DNAH17: variants seen among roughly 807,000 people sequenced by gnomAD.
DNAH17 encodes dynein axonemal heavy chain 17, also known as axonemal beta dynein heavy chain 17.
DNAH17 carries 376 observed loss-of-function variants against 485.6 expected under a neutral mutation model. That is an observed-to-expected ratio of 0.77 (90% CI 0.71 to 0.84). The LOEUF (loss-of-function observed/expected upper bound fraction) is 0.84, where lower values mean the gene tolerates loss of function less well. Among genes scored for constraint, DNAH17 ranks in the 40% least tolerant of loss-of-function variants. The pLI, the probability that DNAH17 is intolerant of heterozygous loss-of-function variation, is 0.00. For synonymous variants in DNAH17, 3,031 were observed against 2,405.9 expected (o/e 1.26, Z -7.60); for missense variants, 6,370 against 5,839.3 (o/e 1.09, Z -2.96).
chr17:78,457,968 C>T lies in DNAH17; in HGVS notation c.9977+597G>A, dbSNP rs529491926. 2.1e-4 allele frequency among the ~76,000 whole-genome samples: 32 copies of T among 150,924 alleles called. No homozygotes were observed. In the South Asian group the frequency reaches 6.6e-3, roughly 31 times the overall value. On this transcript the variant is annotated intron_variant, in intron 62 of 80. Coordinates refer to ENST00000389840, the MANE Select transcript of DNAH17 (RefSeq NM_173628.4). ...GAGCCACTGCGCCCAGCTAGTCTGG[C>T]TAATTTTTGTATTTTTAGTAAGATG...
chr17:78,476,041 G>A (rs187351990), intron 52 of DNAH17, among the ~76,000 whole-genome samples: 10 of 152,214 alleles, frequency 6.6e-5, no homozygotes, highest in Admixed American at 6.5e-4. Context: ...GATCCCCACT[G>A]TATCAGAAAT....
intron 54 of DNAH17, among the ~76,000 whole-genome samples, chr17:78,471,998 G>A (rs1432295214): frequency 1.3e-5 from 2 of 152,138 alleles, no homozygotes; most frequent in African/African-American, 4.8e-5. Flanking sequence ...GAGCCCCATG[G>A]TGCTACTGAA....
chr17:78,470,165 C>T (rs2088682597), intron 54 of DNAH17, among the ~76,000 whole-genome samples: 1 of 149,916 alleles, frequency 6.7e-6, no homozygotes, highest in Non-Finnish European at 1.5e-5. Flanking sequence ...CCTCCGCCTC[C>T]CGGGTTCAAG....
At chr17:78,540,215 G>A (rs964328125) in intron 17 of DNAH17, among the ~76,000 whole-genome samples, 13 of 53,218 alleles carry the variant, frequency 2.4e-4, no homozygotes, top group East Asian at 5.7e-4. Context: ...TATTTTATTT[G>A]TCTTTGTCTT....
At chr17:78,464,104 A>G (rs1171751406) in intron 56 of DNAH17, among the ~76,000 whole-genome samples, 1 of 152,192 alleles carries the variant, frequency 6.6e-6, no homozygotes, top group African/African-American at 2.4e-5. Context: ...TAATAACTGG[A>G]TATGTGTTCA....
At position 78,437,779 on chromosome 17, in the gene DNAH17, G is replaced by GAA. The variant is rs1359379352; in HGVS notation, c.11893_11894dup (p.Ile3966SerfsTer200). Reference sequence around the variant, plus strand: ...GGCTGGGGGCAGGCTCCGCGCTGATGAACACCCGGTAGTCCTCATGGCTGC... The same window carrying GAA: ...GGCTGGGGGCAGGCTCCGCGCTGATGAAAACACCCGGTAGTCCTCATGGCTGC... On this transcript the variant is annotated frameshift_variant, in exon 74 of 81. Transcript: ENST00000389840. LOFTEE classifies it high-confidence loss of function. 5.6e-6 allele frequency: 9 copies of GAA among 1,612,500 alleles called. No individual in the cohort carries two copies. Among genetic ancestry groups the GAA allele is most frequent in the Non-Finnish European group, 7.6e-6 (9 of 1,179,788 alleles).
intron 14 of DNAH17, among the ~76,000 whole-genome samples, chr17:78,557,413 T>G (rs1321257773): frequency 1.3e-5 from 2 of 151,524 alleles, no homozygotes; most frequent in African/African-American, 2.4e-5. Flanking sequence ...AGGTCAAGAG[T>G]TCGAGACCAG....
intron 2 of DNAH17, among the ~76,000 whole-genome samples, 197 bp from the exon 3 acceptor site, chr17:78,573,091 C>T (rs1296761983): frequency 6.6e-6 from 1 of 152,084 alleles, no homozygotes; most frequent in African/African-American, 2.4e-5. Context: ...ATCCTTCTTC[C>T]AGAAGGAGGT....
At position 78,559,869 on chromosome 17, in the gene DNAH17, G is replaced by A. The variant is rs556374552; in HGVS notation, c.2031+871C>T. 1.2e-4 allele frequency among the ~76,000 whole-genome samples: 18 copies of A among 152,072 alleles called. 2 individuals are homozygous for A. In the South Asian group the frequency reaches 2.5e-3, roughly 21 times the overall value. On this transcript the variant is annotated intron_variant, in intron 13 of 80. Transcript: ENST00000389840. ...CCTGGACTGCACCAGGCTCTCGGGC[G>A]CCACCTGGCCTTTTCTTTACCCGCA... is the stretch of plus-strand genomic sequence containing the variant.
intron 19 of DNAH17, among the ~76,000 whole-genome samples, chr17:78,536,787 G>A (rs115987011): frequency 1.7e-3 from 266 of 152,252 alleles, no homozygotes; most frequent in African/African-American, 5.7e-3. Flanking sequence ...ACCCAGGCAG[G>A]TTGACTGAGA....
chr17:78,460,928 A>C (rs965621357), intron 58 of DNAH17, among the ~76,000 whole-genome samples: 1 of 152,160 alleles, frequency 6.6e-6, no homozygotes, highest in East Asian at 1.9e-4. Context: ...AACGCTCTTC[A>C]ATAATTACAC....
At chr17:78,460,062 C>T (rs531838102) in intron 59 of DNAH17, 61 bp from the exon 60 acceptor site, 48 of 1,596,060 alleles carry the variant, frequency 3.0e-5, no homozygotes, top group African/African-American at 9.4e-5. Context: ...GGTGATGCCC[C>T]GAAGAAGCCG....
intron 37 of DNAH17, among the ~76,000 whole-genome samples, chr17:78,497,706 G>A (rs140844702): frequency 0.014 from 2,167 of 152,324 alleles, 28 homozygotes; most frequent in Middle Eastern, 0.054. Flanking sequence ...GGAGCATAAG[G>A]AGAGGAGGAA....
chr17:78,470,547 G>C lies in DNAH17; in HGVS notation c.8512-1664C>G, dbSNP rs567120446. Among the ~76,000 whole-genome samples the C allele has an allele frequency of 3.9e-5, 6 of 152,104 alleles. No homozygotes were observed. In the South Asian group the frequency reaches 1.2e-3, roughly 32 times the overall value. On this transcript the variant is annotated intron_variant, in intron 54 of 80. Transcript: ENST00000389840. ...CTACAAAAAATACAACAATTAGCCA[G>C]GCGTGGTGGCACGCACCTGTAATCC... is the stretch of plus-strand genomic sequence containing the variant.
chr17:78,426,911 C>G lies in DNAH17; in HGVS notation c.12771+15G>C. ...ATCCAGCCACGTCCCTGGGGCCGGGCTGACCCATGTTTACCTTCAGCCCCA... is the reference window on the plus strand; with the variant it reads ...ATCCAGCCACGTCCCTGGGGCCGGGGTGACCCATGTTTACCTTCAGCCCCA... On this transcript the variant is annotated intron_variant, in intron 78 of 80. Transcript: ENST00000389840. 1 of 1,591,200 alleles carries G rather than the reference C, an allele frequency of 6.3e-7. No individual in the cohort carries two copies. Among genetic ancestry groups the G allele is most frequent in the Non-Finnish European group, 8.6e-7 (1 of 1,168,620 alleles).
intron 31 of DNAH17, among the ~76,000 whole-genome samples, chr17:78,504,894 CTTTTTTTTTTTTTTT>C (rs66596656): frequency 1.4e-4 from 8 of 58,934 alleles, no homozygotes; most frequent in East Asian, 6.2e-4. Flanking sequence ...ATTAACAGGG[CTTTTTTTTTTTTTTT>C]TTTTTTTTTT....
At chr17:78,432,838 G>T (rs899582944) in intron 75 of DNAH17, among the ~76,000 whole-genome samples, 1 of 151,204 alleles carries the variant, frequency 6.6e-6, no homozygotes, top group Non-Finnish European at 1.5e-5. Flanking sequence ...GAGGAAGCAG[G>T]CTTAGCGGTC....
chr17:78,470,564 C>T (rs1266838040), intron 54 of DNAH17, among the ~76,000 whole-genome samples: 1 of 152,030 alleles, frequency 6.6e-6, no homozygotes, highest in East Asian at 2.0e-4. Flanking sequence ...TGGCACGCAC[C>T]TGTAATCCCA....
chr17:78,450,152 C>T (rs1598467977), intron 68 of DNAH17, 102 bp downstream of exon 68: 1 of 1,413,842 alleles, frequency 7.1e-7, no homozygotes, highest in East Asian at 2.4e-5. Context: ...CTGAGGGTGG[C>T]CCTGGCACTG....
Sources: gnomAD v4.1 joint callset for allele counts (sites outside exome capture counted in the v4.1 genomes callset) on GRCh38, gnomAD v4.1.1 for gene constraint, MANE v1.5 for transcripts, NCBI Gene and HGNC (gene_info 2026-07-23, HGNC 2026-07-21) for gene names.